The following TPTE variants were observed in gnomAD, a reference collection of about 807,000 sequenced individuals.
TPTE encodes the protein transmembrane phosphatase with tensin homology.
A neutral mutation model predicts 84.1 loss-of-function variants in TPTE; 59 were observed. That is an observed-to-expected ratio of 0.70 (90% CI 0.57 to 0.87). The LOEUF (loss-of-function observed/expected upper bound fraction) is 0.87. Ranked by LOEUF, TPTE falls within the 40% of genes least tolerant of loss-of-function variation. The pLI is 0.00. For missense variants in TPTE, 382 were observed against 659.6 expected, an observed-to-expected ratio of 0.58 and a Z score of 4.61; for synonymous variants, 130 against 223.5, an observed-to-expected ratio of 0.58 and a Z score of 3.73.
At chr21:10,542,748 TTTTTTTTTAACAGAG>T (rs1167320840) in intron 6 of TPTE, among the ~76,000 whole-genome samples, 2 of 152,298 alleles carry the variant, frequency 1.3e-5, no homozygotes, top group African/African-American at 4.8e-5. Context: ...ATAGAGATTT[TTTTTTTTTAACAGAG>T]TTTCCAATTC....
At chr21:10,552,398 C>CAT (rs1257603227) in intron 7 of TPTE, among the ~76,000 whole-genome samples, 1 of 152,264 alleles carries the variant, frequency 6.6e-6, no homozygotes, top group Non-Finnish European at 1.5e-5. Flanking sequence ...TCTTTATATG[C>CAT]ATATATATAG....
chr21:10,568,181 T>C (rs867512621), intron 11 of TPTE, among the ~76,000 whole-genome samples: 1,896 of 149,580 alleles, frequency 0.013, no homozygotes, highest in Middle Eastern at 0.032. Context: ...TCAAAAAAAT[T>C]TATATTGAAA....
At chr21:10,534,828 A>G (rs573397386) in intron 3 of TPTE, among the ~76,000 whole-genome samples, 16 of 152,424 alleles carry the variant, frequency 1.0e-4, no homozygotes, top group Admixed American at 6.5e-4. Flanking sequence ...CAAGAAGTCT[A>G]CTTCTTCCTA....
chr21:10,550,724 T>G (rs2074557015), intron 7 of TPTE, among the ~76,000 whole-genome samples: 1 of 152,298 alleles, frequency 6.6e-6, no homozygotes, highest in African/African-American at 2.4e-5. Flanking sequence ...ACATCAGACT[T>G]AAACTCCACC....
At chr21:10,531,353 G>T (rs1490022677) in intron 3 of TPTE, among the ~76,000 whole-genome samples, 1 of 152,310 alleles carries the variant, frequency 6.6e-6, no homozygotes, top group Non-Finnish European at 1.5e-5. Context: ...AGAGACAAGC[G>T]GCTTCCCGCA....
chr21:10,566,977 CAA>C (rs141155041), intron 10 of TPTE, among the ~76,000 whole-genome samples: 4,210 of 125,524 alleles, frequency 0.034, no homozygotes, highest in African/African-American at 0.11. Context: ...AACTCCATCT[CAA>C]AAAAAAAAAA....
intron 19 of TPTE, among the ~76,000 whole-genome samples, chr21:10,594,760 G>A (rs376471951): frequency 5.9e-5 from 9 of 152,414 alleles, no homozygotes; most frequent in East Asian, 1.9e-4. Flanking sequence ...CTGATTCACC[G>A]AAAAAGCAAC....
At position 10,603,579 on chromosome 21, in the gene TPTE, T is replaced by G. The variant is rs200633993; in HGVS notation, c.1467T>G (p.Tyr489Ter). Residue 489 changes from tyrosine to a stop codon, truncating the protein, a stop_gained, in exon 23 of 24, where the codon TAT becomes TAG. Coordinates refer to ENST00000618007, the MANE Select transcript of TPTE (RefSeq NM_199261.4). LOFTEE classifies it high-confidence loss of function. ...QFFYSNLPTY[Y>*]DNCSFYFWLH... is the part of the protein sequence containing the mutation. ...CTTTTTAGAATCTTCCTACATACTA[T>G]GACAATTGCTCATTTTACTTCTGGT... 1.2e-6 allele frequency: 2 copies of G among 1,612,596 alleles called. No individual in the cohort carries two copies. The highest frequency in any genetic ancestry group is 1.7e-6 in the Non-Finnish European group (2 of 1,178,882).
At chr21:10,526,795 A>G (rs1271638238) in intron 2 of TPTE, among the ~76,000 whole-genome samples, 1 of 152,308 alleles carries the variant, frequency 6.6e-6, no homozygotes, top group East Asian at 1.9e-4. Flanking sequence ...GCATGGTTTT[A>G]TGAAGTTGAC....
At chr21:10,525,496 T>G (rs551402279) in intron 2 of TPTE, among the ~76,000 whole-genome samples, 1 of 152,428 alleles carries the variant, frequency 6.6e-6, no homozygotes, top group African/African-American at 2.4e-5. Context: ...TTACAGAAGC[T>G]TATATACTGT....
chr21:10,558,089 C>CT (rs1295032368), intron 8 of TPTE, among the ~76,000 whole-genome samples: 23 of 152,420 alleles, frequency 1.5e-4, no homozygotes, highest in Admixed American at 2.6e-4. Flanking sequence ...TGATCTCATT[C>CT]TTTTTTTATG....
chr21:10,529,039 C>G (rs2074131294), intron 3 of TPTE, among the ~76,000 whole-genome samples: 1 of 152,184 alleles, frequency 6.6e-6, no homozygotes, highest in South Asian at 2.1e-4. Flanking sequence ...CAAAAATTAG[C>G]TGGGCATGGT....
chr21:10,541,930 A>C (rs2074377333), intron 5 of TPTE, among the ~76,000 whole-genome samples: 1 of 152,306 alleles, frequency 6.6e-6, no homozygotes, highest in Non-Finnish European at 1.5e-5. Flanking sequence ...CCAAACCTAA[A>C]ATCACCATCC....
chr21:10,552,081 T>A (rs2074586107), intron 7 of TPTE, among the ~76,000 whole-genome samples: 1 of 152,304 alleles, frequency 6.6e-6, no homozygotes, highest in South Asian at 2.1e-4. Flanking sequence ...TCAGCAGCCA[T>A]GAACATGGAG....
At position 10,525,769 on chromosome 21, in the gene TPTE, A is replaced by G. The variant is rs1600847936; in HGVS notation, c.-102+1081A>G. 1.5e-4 allele frequency among the ~76,000 whole-genome samples: 23 copies of G among 152,418 alleles called. No individual in the cohort carries two copies. In the South Asian group the frequency reaches 4.4e-3, roughly 29 times the overall value. ...TTACTTATTCATGTCCCATGAGGGA[A>G]GTCATTCTGTGCCCCAAAGCAGCTT... is the stretch of plus-strand genomic sequence containing the variant. On this transcript the variant is annotated intron_variant, in intron 2 of 23. Transcript: ENST00000618007.
At chr21:10,568,213 A>G (rs1419564929) in intron 11 of TPTE, among the ~76,000 whole-genome samples, 1 of 152,310 alleles carries the variant, frequency 6.6e-6, no homozygotes, top group Non-Finnish European at 1.5e-5. Flanking sequence ...CTGTGCTTCA[A>G]CTACAAATCC....
intron 7 of TPTE, among the ~76,000 whole-genome samples, chr21:10,545,681 GTA>G (rs886225171): frequency 1.3e-5 from 2 of 152,122 alleles, no homozygotes; most frequent in Non-Finnish European, 2.9e-5. Flanking sequence ...GTGTGTGTGT[GTA>G]TATATACAGA....
intron 17 of TPTE, among the ~76,000 whole-genome samples, chr21:10,581,403 CT>C: frequency 6.6e-6 from 1 of 152,418 alleles, no homozygotes; most frequent in African/African-American, 2.4e-5. Flanking sequence ...GACTTTTTTT[CT>C]TTTGTGCTGA....
At chr21:10,528,431 G>A (rs1356912189) in intron 3 of TPTE, among the ~76,000 whole-genome samples, 5 of 152,298 alleles carry the variant, frequency 3.3e-5, no homozygotes, top group African/African-American at 1.2e-4. Context: ...TTTCTAAAAA[G>A]TTGGGTTTTA....
Sources: gnomAD v4.1 joint callset for allele counts (sites outside exome capture counted in the v4.1 genomes callset) on GRCh38, gnomAD v4.1.1 for gene constraint, MANE v1.5 for transcripts, NCBI Gene and HGNC (gene_info 2026-07-23, HGNC 2026-07-21) for gene names.